Variants in VPS4B observed in about 807,000 individuals in gnomAD.
VPS4B encodes vacuolar protein sorting-associated protein 4B.
A neutral mutation model predicts 56.1 loss-of-function variants in VPS4B; 23 were observed. The ratio of observed to expected loss-of-function variants is 0.41; its 90% CI spans 0.30 to 0.58. The LOEUF is 0.58. Ranked by LOEUF, VPS4B falls within the 20% of genes least tolerant of loss-of-function variation. The probability of loss-of-function intolerance (pLI) is 0.29; values close to 1 mark genes in which losing one functional copy is unlikely to be tolerated. For synonymous variants in VPS4B, 177 were observed against 186.0 expected, an observed-to-expected ratio of 0.95 and a Z score of 0.39; for missense variants, 372 against 531.9, an observed-to-expected ratio of 0.70 and a Z score of 2.96.
Position 63,401,886 on chromosome 18 carries a change from G to A in VPS4B, c.485-1183C>T, listed in dbSNP as rs573031089. Among the ~76,000 whole-genome samples the A allele has an allele frequency of 2.0e-4, 30 of 152,222 alleles. No individual in the cohort carries two copies. In the South Asian group the frequency reaches 5.6e-3, roughly 28 times the overall value. On this transcript the variant is annotated intron_variant, in intron 5 of 10. Coordinates refer to ENST00000238497, the MANE Select transcript of VPS4B (RefSeq NM_004869.4). ...CAGATGCCTGTAATCCCAAATACTC[G>A]GGAGGCTGAGGCAGGAGAATTGCTT...
intron 7 of VPS4B, 81 bp from the exon 8 acceptor site, chr18:63,399,404 T>C: frequency 7.9e-7 from 1 of 1,269,060 alleles, no homozygotes; most frequent in Non-Finnish European, 1.1e-6. Flanking sequence ...TGTTAAGAAA[T>C]GTGGTGCTTT....
intron 3 of VPS4B, among the ~76,000 whole-genome samples, chr18:63,409,870 C>G (rs1915995271): frequency 6.6e-6 from 1 of 152,174 alleles, no homozygotes; most frequent in Admixed American, 6.5e-5. Context: ...TAACCTTAAG[C>G]TTCCATATTA....
chr18:63,391,467 G>A (rs1279968384), intron 10 of VPS4B, among the ~76,000 whole-genome samples: 3 of 152,214 alleles, frequency 2.0e-5, no homozygotes, highest in African/African-American at 7.2e-5. Context: ...GACCTCAGGT[G>A]ATCCGCCTGC....
chr18:63,399,889 C>T (rs9965766), intron 7 of VPS4B, among the ~76,000 whole-genome samples, 159 bp downstream of exon 7: 81,214 of 151,778 alleles, frequency 0.54, 22,215 homozygotes, highest in East Asian at 0.88. Context: ...CATGGTGGTG[C>T]GCGCCTGTAA....
intron 9 of VPS4B, among the ~76,000 whole-genome samples, chr18:63,394,185 A>G (rs903624026): frequency 1.3e-5 from 2 of 152,178 alleles, no homozygotes; most frequent in African/African-American, 4.8e-5. Flanking sequence ...AGTGGTAGTA[A>G]TCTTAAAGAC....
At chr18:63,418,941 A>G (rs1916231004) in intron 1 of VPS4B, among the ~76,000 whole-genome samples, 1 of 152,156 alleles carries the variant, frequency 6.6e-6, no homozygotes, top group Non-Finnish European at 1.5e-5. Context: ...GGACATTTCC[A>G]TTTGATTGTC....
chr18:63,397,546 C>T (rs567175089), intron 8 of VPS4B, among the ~76,000 whole-genome samples: 1 of 152,250 alleles, frequency 6.6e-6, no homozygotes, highest in South Asian at 2.1e-4. Context: ...CAGTTTCCCA[C>T]AAAATTGTAC....
chr18:63,406,691 A>C (rs1915924088), intron 4 of VPS4B, among the ~76,000 whole-genome samples: 1 of 152,250 alleles, frequency 6.6e-6, no homozygotes, highest in Middle Eastern at 3.2e-3. Flanking sequence ...AGACTTCGTC[A>C]GATATATGAG....
Position 63,397,667 on chromosome 18 carries a change from A to C in VPS4B, c.873-414T>G, listed in dbSNP as rs192059215. On this transcript the variant is annotated intron_variant, in intron 8 of 10. Coordinates refer to ENST00000238497, the MANE Select transcript of VPS4B (RefSeq NM_004869.4). ...ATTACCTCACAATCTTATAGGATATATATTACACAAAATGTCCACTTTAAT... is the reference window on the plus strand; with the variant it reads ...ATTACCTCACAATCTTATAGGATATCTATTACACAAAATGTCCACTTTAAT... Among the ~76,000 whole-genome samples, 162 of 152,344 alleles carry C rather than the reference A, an allele frequency of 1.1e-3. 1 individual carries two copies. The highest frequency in any genetic ancestry group is 3.7e-3 in the African/African-American group (154 of 41,576).
intron 1 of VPS4B, 105 bp downstream of exon 1, chr18:63,422,128 G>A (rs892240513): frequency 3.8e-5 from 49 of 1,276,054 alleles, no homozygotes; most frequent in Non-Finnish European, 4.5e-5. Context: ...CCTGCGCCTC[G>A]ACCACAGGCG....
intron 9 of VPS4B, among the ~76,000 whole-genome samples, chr18:63,393,785 G>A (rs2012956): frequency 0.15 from 23,498 of 151,914 alleles, 2,048 homozygotes; most frequent in East Asian, 0.35. Flanking sequence ...TCACCAGGCT[G>A]GAGTGAAGTG....
intron 1 of VPS4B, among the ~76,000 whole-genome samples, chr18:63,420,700 A>C (rs571442847): frequency 3.0e-4 from 45 of 152,290 alleles, no homozygotes; most frequent in African/African-American, 9.4e-4. Context: ...AGCTACAAAA[A>C]ACTCAAGTGA....
At chr18:63,395,456 TAGAAATGATAAAAATGAGCTTTAA>T (rs889324089) in intron 9 of VPS4B, among the ~76,000 whole-genome samples, 1 of 152,194 alleles carries the variant, frequency 6.6e-6, no homozygotes, top group Non-Finnish European at 1.5e-5. Flanking sequence ...ATCCCCATTT[TAGAAATGATAAAAATGAGCTTTAA>T]AGAAGTAATA....
At chr18:63,417,597 C>A (rs117983283) in intron 1 of VPS4B, among the ~76,000 whole-genome samples, 6 of 152,100 alleles carry the variant, frequency 3.9e-5, no homozygotes, top group African/African-American at 7.2e-5. Flanking sequence ...TTCCTCCCCC[C>A]CTACATCAGT....
At position 63,422,252 on chromosome 18, in the gene VPS4B, G is replaced by A. The variant is rs775341025; in HGVS notation, c.8C>T (p.Ser3Phe). The stretch of plus-strand genomic sequence containing the variant: ...TGATACCTGGAGGTTGGGCGAAGTG[G>A]ATGACATGGCGGAGTTCCCAGGCGG... MS[S>F]TSPNLQKAID... Residue 3 changes from serine to phenylalanine, a missense_variant, in exon 1 of 11, where the codon TCC becomes TTC. Ser to Phe is a radical substitution (Grantham distance 155). Transcript: ENST00000238497. 4 of 1,513,572 alleles carry A rather than the reference G, an allele frequency of 2.6e-6. No individual in the cohort carries two copies. Among genetic ancestry groups the A allele is most frequent in the South Asian group, 1.3e-5 (1 of 79,630 alleles). The allele number at this position is 1,513,572 out of a possible 1,614,324, so 93.8% of individuals were successfully genotyped here.
At position 63,411,489 on chromosome 18, in the gene VPS4B, C is replaced by T; in HGVS notation, c.117G>A (p.Gln39=). Residue 39 remains glutamine (Q), a synonymous_variant, in exon 2 of 11, where the codon CAG becomes CAA. Coordinates refer to ENST00000238497, the MANE Select transcript of VPS4B (RefSeq NM_004869.4). ...EALQLYQHAV[Q]YFLHVVKYEA... ...CACATTTAACGACATGAAGAAAATACTGCACAGCATGCTGATAGAGCTGAA... is the reference window on the plus strand; with the variant it reads ...CACATTTAACGACATGAAGAAAATATTGCACAGCATGCTGATAGAGCTGAA... 6.3e-7 allele frequency: 1 copy of T among 1,585,702 alleles called. No homozygotes were observed. Among genetic ancestry groups the T allele is most frequent in the Non-Finnish European group, 8.6e-7 (1 of 1,166,310 alleles).
chr18:63,392,666 T>C (rs1260329427), intron 10 of VPS4B, among the ~76,000 whole-genome samples: 2 of 152,132 alleles, frequency 1.3e-5, no homozygotes, highest in African/African-American at 4.8e-5. Flanking sequence ...GCCAGGATGG[T>C]CTCGATCTCC....
intron 1 of VPS4B, among the ~76,000 whole-genome samples, chr18:63,418,478 C>T (rs547078046): frequency 2.0e-4 from 30 of 151,968 alleles, no homozygotes; most frequent in East Asian, 1.6e-3. Context: ...GGTGTGATCA[C>T]GCCTCAGTGT....
intron 10 of VPS4B, 105 bp from the exon 11 acceptor site, chr18:63,391,181 T>C (rs981424979): frequency 2.7e-6 from 2 of 738,196 alleles, no homozygotes; most frequent in African/African-American, 3.6e-5. Flanking sequence ...TAAGTTTAAA[T>C]ATGAATATTT....
Sources: allele counts gnomAD v4.1 joint callset (sites outside exome capture counted in the v4.1 genomes callset), GRCh38; gene constraint gnomAD v4.1.1; transcripts MANE v1.5; gene names NCBI Gene and HGNC (gene_info 2026-07-23, HGNC 2026-07-21).